Variants in AP1G1 observed in about 807,000 individuals in gnomAD.
AP1G1 encodes the protein AP-1 complex subunit gamma-1.
A neutral mutation model predicts 108.3 loss-of-function variants in AP1G1; 7 were observed. The ratio of observed to expected loss-of-function variants is 0.06; its 90% confidence interval spans 0.04 to 0.12. AP1G1 has a LOEUF of 0.12. Among genes scored for constraint, AP1G1 ranks in the 10% least tolerant of loss-of-function variants. The pLI is 1.00. For missense variants in AP1G1, 756 were observed against 1,010.7 expected (o/e 0.75, Z 3.42); for synonymous variants, 379 against 353.5 (o/e 1.07, Z -0.81).
At chr16:71,767,782 A>T in intron 6 of AP1G1, 1 of 1,180,656 alleles carries the variant, frequency 8.5e-7, no homozygotes, top group Non-Finnish European at 1.2e-6. Flanking sequence ...CTTCAGCATT[A>T]GTATATTTTA....
chr16:71,760,303 G>A (rs552499332), intron 10 of AP1G1, among the ~76,000 whole-genome samples: 1 of 151,046 alleles, frequency 6.6e-6, no homozygotes, highest in Admixed American at 6.6e-5. Flanking sequence ...AGCACTTCAG[G>A]AGGACAAGGT....
rs2030292523 is a variant in AP1G1 at position 71,748,326 on chromosome 16, A to G, written c.1550T>C (p.Met517Thr). ...ATAACCTCGTGTCACAGAGGTGGACATATTAGAGATTAGGACACTTTCTAA... is the reference window on the plus strand; with the variant it reads ...ATAACCTCGTGTCACAGAGGTGGACGTATTAGAGATTAGGACACTTTCTAA... ...DILESVLISN[M>T]STSVTRGYAL... Residue 517 changes from methionine to threonine, a missense_variant, in exon 16 of 23, where the codon ATG becomes ACG. Physicochemically the swap from Met to Thr is moderately conservative, Grantham distance 81 (BLOSUM62 -1). Around this residue, in one of 3 missense-constraint regions of AP1G1, gnomAD observed 357 missense variants for 366.5 expected, o/e 0.97. Transcript: ENST00000299980. The G allele has an allele frequency of 6.2e-7, 1 of 1,613,612 alleles. No individual in the cohort carries two copies. Among genetic ancestry groups the G allele is most frequent in the South Asian group, 1.1e-5 (1 of 91,058 alleles).
chr16:71,732,947 T>C lies in AP1G1; in HGVS notation c.*111A>G. 1.3e-6 allele frequency: 1 copy of C among 794,954 alleles called. No homozygotes were observed. Among genetic ancestry groups the C allele is most frequent in the South Asian group, 1.7e-5 (1 of 57,354 alleles). 49.2% of individuals were successfully genotyped at this position (794,954 alleles called of 1,614,324 possible). A position where few individuals can be genotyped will look rare whatever the true frequency, so the allele number is the denominator to read the frequency against. ...GGAAAATCCTCCTCAGCAGTTCTCTTCAGCTCCTCATGCCCGTGGTACAGT... is the reference window on the plus strand; with the variant it reads ...GGAAAATCCTCCTCAGCAGTTCTCTCCAGCTCCTCATGCCCGTGGTACAGT... On this transcript the variant is annotated 3_prime_UTR_variant, in exon 23 of 23. Transcript: ENST00000299980.
At position 71,741,090 on chromosome 16, in the gene AP1G1, A is replaced by C. The variant is rs566946126; in HGVS notation, c.2000-1749T>G. On this transcript the variant is annotated intron_variant, in intron 19 of 22. Transcript: ENST00000299980. ...TGAGGGATATCAAGATTCGAAGAAG[A>C]AGCATAAGGAAATTCAGTAAAATTA... Among the ~76,000 whole-genome samples, 13 of 152,342 alleles carry C rather than the reference A, an allele frequency of 8.5e-5. No individual in the cohort carries two copies. The East Asian group carries it at 9.6e-4, about 11-fold the overall frequency.
At chr16:71,808,597 C>A in intron 1 of AP1G1, 166 bp downstream of exon 1, 3 of 1,289,556 alleles carry the variant, frequency 2.3e-6, no homozygotes, top group Non-Finnish European at 3.0e-6. Flanking sequence ...CGGAGCAGCC[C>A]CTGGGGCTCC....
At chr16:71,751,791 C>T (rs968787936) in intron 13 of AP1G1, among the ~76,000 whole-genome samples, 1 of 152,060 alleles carries the variant, frequency 6.6e-6, no homozygotes, top group African/African-American at 2.4e-5. Context: ...TAACAAATTT[C>T]AAATAACATA....
rs561838120 is a variant in AP1G1, at chr16:71,786,087, C to T, written c.201+3192G>A. Among the ~76,000 whole-genome samples the T allele has an allele frequency of 2.6e-4, 40 of 152,146 alleles. 1 individual carries two copies. The South Asian group carries it at 4.4e-3, about 17-fold the overall frequency. On this transcript the variant is annotated intron_variant, in intron 2 of 22. Transcript: ENST00000299980. Reference sequence around the variant, plus strand: ...GAATAAGAACTTAAAATTATGATTCCCAGTCCCATTCAGAAAAATATTTTA... The same window carrying T: ...GAATAAGAACTTAAAATTATGATTCTCAGTCCCATTCAGAAAAATATTTTA...
intron 2 of AP1G1, among the ~76,000 whole-genome samples, chr16:71,784,252 C>T (rs1326730727): frequency 6.6e-6 from 1 of 152,112 alleles, no homozygotes; most frequent in Non-Finnish European, 1.5e-5. Context: ...AAGATTGTCC[C>T]CATTTTACAG....
intron 19 of AP1G1, 109 bp downstream of exon 19, chr16:71,745,035 C>G: frequency 1.7e-6 from 2 of 1,204,802 alleles, no homozygotes; most frequent in Non-Finnish European, 2.4e-6. Flanking sequence ...TCTGATTTAG[C>G]CTCTCCCATC....
rs1221204097 is a variant in AP1G1, at chr16:71,764,745, G to C, written c.739-19C>G. The C allele has an allele frequency of 2.0e-6, 3 of 1,534,712 alleles. No individual in the cohort carries two copies. The highest frequency in any genetic ancestry group is 1.4e-5 in the African/African-American group (1 of 72,462). On this transcript the variant is annotated intron_variant, in intron 7 of 22. Transcript: ENST00000299980. ...TTCGTACCTAACGTGCAAAAGATGA[G>C]AGGTGTCAACAAATTATGTCTCACA...
At chr16:71,780,148 T>C (rs1470778082) in intron 2 of AP1G1, among the ~76,000 whole-genome samples, 4 of 151,528 alleles carry the variant, frequency 2.6e-5, no homozygotes, top group Non-Finnish European at 5.9e-5. Context: ...CACGCACCAC[T>C]ATATCCGGCT....
intron 2 of AP1G1, among the ~76,000 whole-genome samples, chr16:71,776,396 C>T (rs559061498): frequency 1.3e-5 from 2 of 152,300 alleles, no homozygotes; most frequent in African/African-American, 4.8e-5. Flanking sequence ...CAAATCTTCC[C>T]TTTCTTCTTC....
At position 71,781,487 on chromosome 16, in the gene AP1G1, T is replaced by C. The variant is rs116339746; in HGVS notation, c.202-6895A>G. Among the ~76,000 whole-genome samples the C allele has an allele frequency of 4.3e-3, 661 of 152,336 alleles. 11 individuals carry two copies. Among genetic ancestry groups the C allele is most frequent in the African/African-American group, 0.015 (640 of 41,586 alleles). ...TCTGTGTACTGGGCCTCAATCTCAT[T>C]TCTCCATCCCAGAAGTAATCAGAAC... On this transcript the variant is annotated intron_variant, in intron 2 of 22. Transcript: ENST00000299980.
chr16:71,747,690 G>C (rs571829284), intron 16 of AP1G1, among the ~76,000 whole-genome samples: 4 of 151,966 alleles, frequency 2.6e-5, no homozygotes, highest in Non-Finnish European at 5.9e-5. Flanking sequence ...TTCTAAAAAC[G>C]TAACTTTTAG....
chr16:71,787,460 G>T (rs889931602), intron 2 of AP1G1, among the ~76,000 whole-genome samples: 1 of 152,126 alleles, frequency 6.6e-6, no homozygotes, highest in Non-Finnish European at 1.5e-5. Context: ...CACAGCATGG[G>T]CCATAGAGCA....
intron 10 of AP1G1, among the ~76,000 whole-genome samples, chr16:71,759,937 G>T (rs2030998656): frequency 6.6e-6 from 1 of 151,844 alleles, no homozygotes. Context: ...AGTTTTCTCT[G>T]CTTTTATTTG....
intron 1 of AP1G1, among the ~76,000 whole-genome samples, chr16:71,803,052 T>G (rs909581892): frequency 2.0e-5 from 3 of 151,762 alleles, no homozygotes; most frequent in African/African-American, 7.3e-5. Flanking sequence ...CCGTCTCCAC[T>G]AAAAATACAA....
intron 1 of AP1G1, 62 bp downstream of exon 1, chr16:71,808,701 C>A (rs2033085954): frequency 7.8e-7 from 1 of 1,285,264 alleles, no homozygotes; most frequent in Non-Finnish European, 1.0e-6. Flanking sequence ...TCCGGTCGAG[C>A]GCCCGCGGCA....
intron 2 of AP1G1, among the ~76,000 whole-genome samples, chr16:71,787,507 C>A (rs2032249749): frequency 6.6e-6 from 1 of 152,040 alleles, no homozygotes; most frequent in African/African-American, 2.4e-5. Flanking sequence ...AAAGAATATG[C>A]TCTTAAAGAA....
Sources: gnomAD v4.1 joint callset for allele counts (sites outside exome capture counted in the v4.1 genomes callset) on GRCh38, gnomAD v4.1.1 for gene constraint, gnomAD v4.1.1 regional missense constraint, MANE v1.5 for transcripts, NCBI Gene and HGNC (gene_info 2026-07-23, HGNC 2026-07-21) for gene names.